Variants in GPC6 observed in about 807,000 individuals in gnomAD.
GPC6 encodes the protein glypican 6.
GPC6 carries 14 observed loss-of-function variants against 55.2 expected under a neutral mutation model. That is an observed-to-expected ratio of 0.25 (90% CI 0.17 to 0.40). The LOEUF (loss-of-function observed/expected upper bound fraction) is 0.40. GPC6 is among the 10% of genes least tolerant of loss of function. GPC6 has a pLI of 1.00. For missense variants in GPC6, 641 were observed against 708.5 expected, an observed-to-expected ratio of 0.90 and a Z score of 1.08; for synonymous variants, 278 against 259.6, an observed-to-expected ratio of 1.07 and a Z score of -0.68.
intron 2 of GPC6, among the ~76,000 whole-genome samples, chr13:93,591,138 C>A (rs1034418341): frequency 8.4e-6 from 1 of 119,260 alleles, no homozygotes; most frequent in Non-Finnish European, 1.6e-5. Flanking sequence ...AAATATGAAA[C>A]AATTTTCTAA....
intron 2 of GPC6, among the ~76,000 whole-genome samples, chr13:93,823,961 A>G (rs762502055): frequency 1.2e-4 from 18 of 152,322 alleles, no homozygotes; most frequent in Admixed American, 4.6e-4. Context: ...GGCAAATCCC[A>G]AAGGAATTAT....
intron 3 of GPC6, among the ~76,000 whole-genome samples, chr13:94,020,936 G>T (rs1260405869): frequency 6.6e-6 from 1 of 152,082 alleles, no homozygotes; most frequent in Non-Finnish European, 1.5e-5. Flanking sequence ...TACTTTACAT[G>T]TAATTTAATC....
At chr13:93,797,939 A>G (rs538947890) in intron 2 of GPC6, among the ~76,000 whole-genome samples, 1 of 152,304 alleles carries the variant, frequency 6.6e-6, no homozygotes, top group East Asian at 1.9e-4. Context: ...AACAAGGGTA[A>G]TAGGCCCTGG....
At chr13:94,239,813 G>A (rs933237271) in intron 4 of GPC6, among the ~76,000 whole-genome samples, 4 of 152,090 alleles carry the variant, frequency 2.6e-5, no homozygotes, top group Admixed American at 1.3e-4. Flanking sequence ...GTATTAAGGC[G>A]AGAGTGTTCG....
chr13:94,180,073 C>T (rs1369307278), intron 4 of GPC6, among the ~76,000 whole-genome samples: 3 of 149,498 alleles, frequency 2.0e-5, no homozygotes, highest in Admixed American at 2.0e-4. Flanking sequence ...GTGGACATAC[C>T]TACAGGATGG....
At chr13:93,328,779 GT>G (rs1236037995) in intron 1 of GPC6, among the ~76,000 whole-genome samples, 3 of 152,050 alleles carry the variant, frequency 2.0e-5, no homozygotes, top group African/African-American at 7.2e-5. Context: ...AAAATGAGAT[GT>G]TTATTTGCCA....
intron 4 of GPC6, among the ~76,000 whole-genome samples, chr13:94,176,705 T>C (rs984099569): frequency 1.3e-5 from 2 of 152,156 alleles, no homozygotes; most frequent in Non-Finnish European, 2.9e-5. Context: ...TATTGCAACA[T>C]AAAGGTGATT....
chr13:93,646,403 A>G (rs1372521540), intron 2 of GPC6, among the ~76,000 whole-genome samples: 1 of 152,160 alleles, frequency 6.6e-6, no homozygotes. Flanking sequence ...AAAGTACGCT[A>G]GTCAGTTTAT....
At chr13:93,876,664 T>G (rs1889306838) in intron 3 of GPC6, among the ~76,000 whole-genome samples, 1 of 152,088 alleles carries the variant, frequency 6.6e-6, no homozygotes, top group South Asian at 2.1e-4. Context: ...TTCTCTCACT[T>G]TAGTCCAACC....
intron 1 of GPC6, among the ~76,000 whole-genome samples, chr13:93,492,782 T>C (rs900056989): frequency 8.4e-4 from 126 of 150,896 alleles, no homozygotes; most frequent in Non-Finnish European, 1.3e-3. Flanking sequence ...GAGATAATCA[T>C]GTGGTTTTTG....
At chr13:93,338,392 T>A (rs1880117733) in intron 1 of GPC6, among the ~76,000 whole-genome samples, 1 of 152,212 alleles carries the variant, frequency 6.6e-6, no homozygotes, top group Non-Finnish European at 1.5e-5. Context: ...TTCTTCCTAA[T>A]CAGTTTCTCC....
intron 3 of GPC6, among the ~76,000 whole-genome samples, chr13:93,865,979 C>T (rs1216809587): frequency 2.0e-5 from 3 of 151,520 alleles, no homozygotes; most frequent in Non-Finnish European, 3.0e-5. Flanking sequence ...TGGTTAAGTG[C>T]CATGCAGAAA....
At chr13:93,811,351 A>G (rs1326481809) in intron 2 of GPC6, among the ~76,000 whole-genome samples, 1 of 152,200 alleles carries the variant, frequency 6.6e-6, no homozygotes, top group Admixed American at 6.5e-5. Context: ...TGACAGAGTG[A>G]TTGATCTTAT....
intron 1 of GPC6, among the ~76,000 whole-genome samples, chr13:93,496,194 C>T (rs1282909300): frequency 1.3e-5 from 2 of 152,214 alleles, no homozygotes; most frequent in East Asian, 1.9e-4. Context: ...GGCGTAGGAC[C>T]CTCCGAGCCA....
intron 4 of GPC6, among the ~76,000 whole-genome samples, chr13:94,172,116 G>A (rs1888588975): frequency 6.6e-6 from 1 of 152,040 alleles, no homozygotes; most frequent in Non-Finnish European, 1.5e-5. Flanking sequence ...CAGGCACAGG[G>A]GCAATGATTA....
intron 4 of GPC6, among the ~76,000 whole-genome samples, chr13:94,205,457 C>G (rs892844805): frequency 6.6e-6 from 1 of 152,146 alleles, no homozygotes; most frequent in South Asian, 2.1e-4. Context: ...AGCAAAAACA[C>G]CAAGAGGCCT....
At chr13:93,715,198 G>A (rs537699791) in intron 2 of GPC6, among the ~76,000 whole-genome samples, 5 of 151,666 alleles carry the variant, frequency 3.3e-5, no homozygotes, top group South Asian at 2.1e-4. Context: ...AAACAAACAC[G>A]TGGAGTCAAC....
intron 4 of GPC6, among the ~76,000 whole-genome samples, chr13:94,114,944 T>G (rs1886382487): frequency 6.6e-6 from 1 of 152,134 alleles, no homozygotes; most frequent in Admixed American, 6.6e-5. Flanking sequence ...AAAAAGCTAG[T>G]TCATGGCCAC....
intron 6 of GPC6, among the ~76,000 whole-genome samples, chr13:94,368,451 C>A (rs955340785): frequency 2.0e-5 from 3 of 152,120 alleles, no homozygotes; most frequent in Non-Finnish European, 4.4e-5. Flanking sequence ...CCAAGCATTA[C>A]AAAACCTACC....
Sources: gnomAD v4.1 joint callset for allele counts (sites outside exome capture counted in the v4.1 genomes callset) on GRCh38, gnomAD v4.1.1 for gene constraint, MANE v1.5 for transcripts, NCBI Gene and HGNC (gene_info 2026-07-23, HGNC 2026-07-21) for gene names.